Variants in ZNF20 observed in about 807,000 individuals in gnomAD.
ZNF20 encodes the protein zinc finger protein 20.
ZNF20 carries 9 observed loss-of-function variants against 11.0 expected under a neutral mutation model. That is an observed-to-expected ratio of 0.82 (90% CI 0.49 to 1.43). ZNF20 has a LOEUF of 1.43. ZNF20 is among the 40% of genes most tolerant of loss of function. The probability of loss-of-function intolerance (pLI) is 0.00; values close to 1 mark genes in which losing one functional copy is unlikely to be tolerated. For missense variants in ZNF20, 528 were observed against 640.8 expected (o/e 0.82, Z 1.90); for synonymous variants, 182 against 213.0 (o/e 0.85, Z 1.27).
rs1976631583 is a variant in ZNF20, at chr19:12,132,114, T to C, written c.*473A>G. On this transcript the variant is annotated 3_prime_UTR_variant, in exon 4 of 4. Transcript: ENST00000334213. ...TAGAAGAGTTGGGCATCAGTGAGTA[T>C]TTCCAGCCATAACAACATTTATTAG... The C allele has an allele frequency of 6.4e-6, 1 of 157,418 alleles. No homozygotes were observed. The highest frequency in any genetic ancestry group is 1.9e-4 in the South Asian group (1 of 5,266). 9.8% of individuals were successfully genotyped at this position (157,418 alleles called of 1,614,324 possible).
rs749201883 is a variant in ZNF20 at position 12,135,811 on chromosome 19, TG to T, written c.96del (p.Tyr32Ter). 8 of 1,614,048 alleles carry T rather than the reference TG, an allele frequency of 5.0e-6. No individual in the cohort carries two copies. The Admixed American group carries it at 1.2e-4, about 24-fold the overall frequency. On this transcript the variant is annotated frameshift_variant, in exon 2 of 4. Transcript: ENST00000334213. LOFTEE classifies it high-confidence loss of function. ...TTGAAGGTTTCCTGCATCACATCCC[TG>T]TAGAGATTCTTCTGGGAAGGATCCA... is the stretch of plus-strand genomic sequence containing the variant. Reference protein sequence around the residue: ...ALLDPSQKNLYRDVMQETFKN... With the variant: ...ALLDPSQKNLXRDVMQETFKN...
intron 3 of ZNF20, among the ~76,000 whole-genome samples, chr19:12,135,142 CTTTTT>C (rs35937238): frequency 7.0e-6 from 1 of 142,232 alleles, no homozygotes. Flanking sequence ...CATTTTCTCA[CTTTTT>C]TTTTTTTTTT....
rs767740551 is a variant in ZNF20 at position 12,132,697 on chromosome 19, CATG to C, written c.1486_1488del (p.His496del). ...GGTTTCTCTCCAGTGTGAGTCCTTT[CATG>C]ATATCGAATGTAATTGGAAATAAAG... On this transcript the variant is annotated inframe_deletion, in exon 4 of 4. Transcript: ENST00000334213. The C allele has an allele frequency of 1.2e-6, 2 of 1,614,010 alleles. No individual in the cohort carries two copies. Among genetic ancestry groups the C allele is most frequent in the Non-Finnish European group, 1.7e-6 (2 of 1,179,966 alleles).
chr19:12,134,184 C>T (rs368053436), intron 3 of ZNF20, among the ~76,000 whole-genome samples, 199 bp from the exon 4 acceptor site: 87 of 151,330 alleles, frequency 5.7e-4, no homozygotes, highest in African/African-American at 1.8e-3. Context: ...ATTAGCTGGG[C>T]GTGGTGGCAG....
At position 12,133,343 on chromosome 19, in the gene ZNF20, T is replaced by G; in HGVS notation, c.843A>C (p.Lys281Asn). The change falls in exon 4 of 4, where the codon AAA becomes AAC. Residue 281 changes from lysine to asparagine, a missense_variant. Transcript: ENST00000334213. ...RRHKRSHTGE[K>N]PYECKQCGKV... ...TCCCACATTGCTTACACTCATAGGG[T>G]TTTTCTCCAGTGTGAGACCTTTTAT... 1 of 1,614,160 alleles carries G rather than the reference T, an allele frequency of 6.2e-7. No individual in the cohort carries two copies. The highest frequency in any genetic ancestry group is 2.2e-5 in the East Asian group (1 of 44,874).
At chr19:12,140,128 C>A in intron 1 of ZNF20, 52 bp downstream of exon 1, 2 of 1,577,136 alleles carry the variant, frequency 1.3e-6, no homozygotes, top group Non-Finnish European at 1.7e-6. Flanking sequence ...CGCTTCCGGC[C>A]GGTTCCACCC....
Position 12,140,096 on chromosome 19 carries a change from G to A in ZNF20, c.3+84C>T, listed in dbSNP as rs996869737. ...TCCCAGATCCAGGAGGCGCGGCGAG[G>A]AGGCCCAGATCCCACCACAGCCGCT... On this transcript the variant is annotated intron_variant, in intron 1 of 3. Coordinates refer to ENST00000334213, the MANE Select transcript of ZNF20 (RefSeq NM_021143.4). 2.6e-6 allele frequency: 4 copies of A among 1,512,296 alleles called. No homozygotes were observed. The Admixed American group carries it at 7.9e-5, about 30-fold the overall frequency. The allele number at this position is 1,512,296 out of a possible 1,614,324, so 93.7% of individuals were successfully genotyped here.
chr19:12,136,279 G>A (rs550316972), intron 1 of ZNF20, among the ~76,000 whole-genome samples: 8 of 152,174 alleles, frequency 5.3e-5, no homozygotes, highest in Non-Finnish European at 8.8e-5. Flanking sequence ...GGGAGGCTGA[G>A]GTAGGAGAAT....
chr19:12,133,566 G>C lies in ZNF20; in HGVS notation c.620C>G (p.Ala207Gly), dbSNP rs753192845. 3.1e-6 allele frequency: 5 copies of C among 1,613,992 alleles called. No homozygotes were observed. The East Asian group carries it at 8.9e-5, about 29-fold the overall frequency. ...GPYKCKFCGK[A>G]FYFLNLCLIH... ...AAGACATAAATTGAGAAAATAGAAG[G>C]CTTTCCCACAAAACTTACATTTATA... The change falls in exon 4 of 4, where the codon GCC becomes GGC. Residue 207 changes from alanine to glycine, a missense_variant. Ala to Gly is a moderately conservative substitution (Grantham distance 60, BLOSUM62 0). Transcript: ENST00000334213.
intron 1 of ZNF20, chr19:12,136,968 C>T (rs570429765): frequency 5.3e-6 from 2 of 375,596 alleles, no homozygotes; most frequent in Non-Finnish European, 1.0e-5. Flanking sequence ...TGTTACCTTA[C>T]CATGCATTTT....
chr19:12,135,422 G>T (rs927813315), intron 3 of ZNF20, 78 bp downstream of exon 3: 61 of 1,470,522 alleles, frequency 4.1e-5, no homozygotes, highest in Non-Finnish European at 5.8e-5. Context: ...TTACAGGCGT[G>T]AGCCACTGTA....
In ZNF20 at chr19:12,133,047, G is replaced by A. The variant is rs908621372; in HGVS notation, c.1139C>T (p.Ser380Leu). 2 of 1,614,078 alleles carry A rather than the reference G, an allele frequency of 1.2e-6. No homozygotes were observed. Among genetic ancestry groups the A allele is most frequent in the African/African-American group, 1.3e-5 (1 of 75,040 alleles). The change falls in exon 4 of 4, where the codon TCA (serine) becomes TTA (leucine). Residue 380 changes from serine (S) to leucine (L), a missense_variant. Ser to Leu is a moderately radical substitution (Grantham distance 145). Transcript: ENST00000334213. Reference protein sequence around the residue: ...KQCGKGFRCASQLQIHERTHS... With the variant: ...KQCGKGFRCALQLQIHERTHS... Reference sequence around the variant, plus strand: ...CGTCCTTTCATGAATTTGAAGTTGTGAAGCACATCTAAAGCCTTTCCCACA... The same window carrying A: ...CGTCCTTTCATGAATTTGAAGTTGTAAAGCACATCTAAAGCCTTTCCCACA...
At chr19:12,140,101 C>T in intron 1 of ZNF20, 79 bp downstream of exon 1, 1 of 1,538,888 alleles carries the variant, frequency 6.5e-7, no homozygotes, top group Non-Finnish European at 8.8e-7. Context: ...GCGAGGAGGC[C>T]CAGATCCCAC....
At chr19:12,137,078 GC>G in intron 1 of ZNF20, 1 of 232,660 alleles carries the variant, frequency 4.3e-6, no homozygotes, top group South Asian at 4.3e-5. Flanking sequence ...GCCAAGGCAG[GC>G]CAATCACTTC....
At chr19:12,135,727 T>C in intron 2 of ZNF20, 42 bp downstream of exon 2, 1 of 1,608,822 alleles carries the variant, frequency 6.2e-7, no homozygotes, top group Non-Finnish European at 8.5e-7. Context: ...GCTAGAAGCA[T>C]TTGTTCTCTA....
chr19:12,140,071 T>A (rs1976775634), intron 1 of ZNF20, 109 bp downstream of exon 1: 2 of 1,407,304 alleles, frequency 1.4e-6, no homozygotes, highest in Admixed American at 2.0e-5. Context: ...GGGATTCGGG[T>A]CCCAGATCCA....
intron 1 of ZNF20, among the ~76,000 whole-genome samples, chr19:12,138,507 G>A (rs559380225): frequency 3.3e-5 from 5 of 151,270 alleles, no homozygotes; most frequent in South Asian, 2.1e-4. Flanking sequence ...TGTGCCTTAC[G>A]AAGATAAGAG....
At position 12,132,423 on chromosome 19, in the gene ZNF20, C is replaced by G. The variant is rs943457426; in HGVS notation, c.*164G>C. 1 of 712,204 alleles carries G rather than the reference C, an allele frequency of 1.4e-6. No homozygotes were observed. 44.1% of individuals were successfully genotyped at this position (712,204 alleles called of 1,614,324 possible). A position where few individuals can be genotyped will look rare whatever the true frequency, so the allele number is the denominator to read the frequency against. ...GATTGGCTATAGGTGAATTGTATTA[C>G]GAAACCATCCAAGTTCTTCTAGATT... On this transcript the variant is annotated 3_prime_UTR_variant, in exon 4 of 4. Coordinates refer to ENST00000334213, the MANE Select transcript of ZNF20 (RefSeq NM_021143.4).
At position 12,140,165 on chromosome 19, in the gene ZNF20, G is replaced by A. The variant is rs1371177791; in HGVS notation, c.3+15C>T. The A allele has an allele frequency of 6.9e-6, 11 of 1,600,140 alleles. No homozygotes were observed. The African/African-American group carries it at 8.0e-5, about 12-fold the overall frequency. On this transcript the variant is annotated intron_variant, in intron 1 of 3. Coordinates refer to ENST00000334213, the MANE Select transcript of ZNF20 (RefSeq NM_021143.4). ...GCCCCTCCCCCGTCTGGGGACTCCG[G>A]CCCCATACACTCACCATTTCCCGGC...
Sources: allele counts gnomAD v4.1 joint callset (sites outside exome capture counted in the v4.1 genomes callset), GRCh38; gene constraint gnomAD v4.1.1; transcripts MANE v1.5; gene names NCBI Gene and HGNC (gene_info 2026-07-23, HGNC 2026-07-21).